RFX8: variants seen among roughly 807,000 people sequenced by gnomAD.
RFX8 encodes the protein DNA-binding protein RFX8.
Under a neutral mutation model 54.6 loss-of-function variants are expected in RFX8, and 46 were observed. The ratio of observed to expected loss-of-function variants is 0.84; its 90% CI spans 0.67 to 1.08. RFX8 has a LOEUF of 1.08. Ranked by LOEUF, RFX8 falls within the 50% of genes least tolerant of loss-of-function variation. RFX8 has a pLI of 0.00. For synonymous variants in RFX8, 192 were observed against 209.5 expected (o/e 0.92, Z 0.72); for missense variants, 536 against 562.3 (o/e 0.95, Z 0.47).
rs1281721787 is a variant in RFX8, at chr2:101,474,801, G to C, written c.-218C>G. On this transcript the variant is annotated 5_prime_UTR_variant, in exon 1 of 12. Coordinates refer to ENST00000428343, the MANE Select transcript of RFX8 (RefSeq NM_001145664.2). ...GAGGTTCTGATGAATTGGTCTGGGC[G>C]AGGGCCGCCTGGGCCAACCGGCTTT... 4 of 151,450 alleles carry C rather than the reference G, an allele frequency of 2.6e-5. No individual in the cohort carries two copies. The highest frequency in any genetic ancestry group is 9.7e-5 in the African/African-American group (4 of 41,028). The allele number at this position is 151,450 out of a possible 1,614,324, so 9.4% of individuals were successfully genotyped here.
chr2:101,420,872 A>G (rs1364083953), intron 4 of RFX8, among the ~76,000 whole-genome samples: 1 of 152,180 alleles, frequency 6.6e-6, no homozygotes, highest in Non-Finnish European at 1.5e-5. Flanking sequence ...TGCTCCTTTC[A>G]TTACCAACTA....
chr2:101,464,817 T>C (rs1689487286), intron 2 of RFX8, among the ~76,000 whole-genome samples: 1 of 152,292 alleles, frequency 6.6e-6, no homozygotes, highest in African/African-American at 2.4e-5. Context: ...TGAAACAGCC[T>C]TATAAAAAGA....
intron 2 of RFX8, among the ~76,000 whole-genome samples, chr2:101,448,116 C>T (rs1308636963): frequency 6.6e-6 from 1 of 152,198 alleles, no homozygotes; most frequent in Admixed American, 6.5e-5. Flanking sequence ...AAAGGCCCCA[C>T]CTCTTAAGAT....
At chr2:101,473,005 C>A (rs1690095505) in intron 1 of RFX8, among the ~76,000 whole-genome samples, 2 of 151,190 alleles carry the variant, frequency 1.3e-5, no homozygotes, top group African/African-American at 4.9e-5. Context: ...GGCAACAGAG[C>A]AAGACTCTGT....
chr2:101,412,171 C>T (rs1411466004), intron 8 of RFX8, among the ~76,000 whole-genome samples: 1 of 152,126 alleles, frequency 6.6e-6, no homozygotes. Context: ...AGCCTGGCAC[C>T]CTCCCTGTAG....
At chr2:101,420,307 C>T (rs574350335) in intron 4 of RFX8, among the ~76,000 whole-genome samples, 7 of 152,108 alleles carry the variant, frequency 4.6e-5, no homozygotes, top group African/African-American at 1.7e-4. Context: ...TTTGGGAGGC[C>T]GAGGTGGGCA....
chr2:101,440,926 T>C (rs2148958222), intron 2 of RFX8, among the ~76,000 whole-genome samples: 1 of 152,250 alleles, frequency 6.6e-6, no homozygotes, highest in South Asian at 2.1e-4. Flanking sequence ...AGGTCCTTGT[T>C]ATGGTTTGAA....
Position 101,413,037 on chromosome 2 carries a change from A to G in RFX8, c.596T>C (p.Val199Ala). The change falls in exon 8 of 12, where the codon GTC (valine) becomes GCC (alanine). Residue 199 changes from valine to alanine, a missense_variant. Physicochemically the swap from Val to Ala is moderately conservative, Grantham distance 64 (BLOSUM62 0). Coordinates refer to ENST00000428343, the MANE Select transcript of RFX8 (RefSeq NM_001145664.2). ...MRMVLKSKRR[V>A]SVLKSDLQAI... ...CTGTAGATCTGACTTCAAAACGCTG[A>G]CACGCCTCTTACTTTTCAATACCAT... 1 of 1,552,194 alleles carries G rather than the reference A, an allele frequency of 6.4e-7. No individual in the cohort carries two copies. The highest frequency in any genetic ancestry group is 8.7e-7 in the Non-Finnish European group (1 of 1,147,086).
chr2:101,474,531 C>T (rs964007874), intron 1 of RFX8, 105 bp downstream of exon 1: 3 of 317,612 alleles, frequency 9.4e-6, no homozygotes, highest in Non-Finnish European at 1.7e-5. Flanking sequence ...CCCCGCCCTG[C>T]ATCCTGCGGT....
intron 2 of RFX8, among the ~76,000 whole-genome samples, chr2:101,455,957 T>C (rs923155188): frequency 6.6e-6 from 1 of 152,188 alleles, no homozygotes; most frequent in Non-Finnish European, 1.5e-5. Context: ...TATTCCTAGG[T>C]ATTTTATTCT....
At chr2:101,463,351 C>T (rs554327543) in intron 2 of RFX8, among the ~76,000 whole-genome samples, 48 of 152,326 alleles carry the variant, frequency 3.2e-4, no homozygotes, top group Middle Eastern at 6.8e-3. Flanking sequence ...TGGGCCCCCT[C>T]AGGCCTGAGT....
intron 2 of RFX8, among the ~76,000 whole-genome samples, chr2:101,461,262 C>CAAAAAAAAAA (rs11350961): frequency 1.1e-4 from 10 of 89,878 alleles, no homozygotes; most frequent in Admixed American, 2.9e-4. Flanking sequence ...GACTCCATCT[C>CAAAAAAAAAA]AAAAAAAAAA....
At chr2:101,441,617 G>C (rs567520647) in intron 2 of RFX8, among the ~76,000 whole-genome samples, 2 of 152,162 alleles carry the variant, frequency 1.3e-5, no homozygotes, top group African/African-American at 4.8e-5. Context: ...CAGGTATCCT[G>C]TTATAAGCAA....
At chr2:101,443,261 G>A (rs889374010) in intron 2 of RFX8, among the ~76,000 whole-genome samples, 2 of 152,110 alleles carry the variant, frequency 1.3e-5, no homozygotes, top group African/African-American at 2.4e-5. Context: ...TTTTCCTTTG[G>A]TTGCCTCTTG....
At chr2:101,456,798 T>G (rs1688994240) in intron 2 of RFX8, among the ~76,000 whole-genome samples, 1 of 152,198 alleles carries the variant, frequency 6.6e-6, no homozygotes, top group African/African-American at 2.4e-5. Context: ...TACCAGCTCC[T>G]TTTTGTACCT....
At chr2:101,413,557 C>A (rs146716333) in intron 7 of RFX8, among the ~76,000 whole-genome samples, 1 of 152,158 alleles carries the variant, frequency 6.6e-6, no homozygotes, top group East Asian at 1.9e-4. Flanking sequence ...CAACACTGTC[C>A]GACTGCCTGG....
chr2:101,452,809 C>T (rs1318501189), intron 2 of RFX8, among the ~76,000 whole-genome samples: 1 of 151,456 alleles, frequency 6.6e-6, no homozygotes, highest in Non-Finnish European at 1.5e-5. Flanking sequence ...AACCTGGTCT[C>T]TACTACAAAT....
intron 2 of RFX8, among the ~76,000 whole-genome samples, chr2:101,448,661 G>A (rs1233746820): frequency 6.6e-6 from 1 of 152,146 alleles, no homozygotes; most frequent in Non-Finnish European, 1.5e-5. Flanking sequence ...TCAGAGAAAA[G>A]GGTCCCTGTC....
intron 11 of RFX8, among the ~76,000 whole-genome samples, chr2:101,400,724 C>T (rs4241207): frequency 0.75 from 113,568 of 152,160 alleles, 43,028 homozygotes; most frequent in South Asian, 0.82. Context: ...TTGCTCCAGC[C>T]GGTGAGCGCA....
Sources: allele counts gnomAD v4.1 joint callset (sites outside exome capture counted in the v4.1 genomes callset), GRCh38; gene constraint gnomAD v4.1.1; transcripts MANE v1.5; gene names NCBI Gene and HGNC (gene_info 2026-07-23, HGNC 2026-07-21).